Variants in ADORA2B observed in about 807,000 individuals in gnomAD.
ADORA2B encodes adenosine A2b receptor.
A neutral mutation model predicts 20.8 loss-of-function variants in ADORA2B; 18 were observed. The observed-to-expected ratio is 0.87, with a 90% CI of 0.60 to 1.29. The LOEUF is 1.29. Among genes scored for constraint, ADORA2B ranks in the 50% most tolerant of loss-of-function variants. The probability of loss-of-function intolerance (pLI) is 0.00; values close to 1 mark genes in which losing one functional copy is unlikely to be tolerated. For synonymous variants in ADORA2B, 179 were observed against 178.3 expected, an observed-to-expected ratio of 1.00 and a Z score of -0.03; for missense variants, 441 against 422.7, an observed-to-expected ratio of 1.04 and a Z score of -0.38.
chr17:15,910,408 C>T, the ADORA2B span, among the ~76,000 whole-genome samples: 8 of 152,004 alleles, frequency 5.3e-5, no homozygotes, highest in Admixed American at 5.2e-4. Context: ...AGTGAGTCTC[C>T]TGCCTCAGCC....
At chr17:15,922,213 G>C in the ADORA2B span, among the ~76,000 whole-genome samples, 1 of 152,060 alleles carries the variant, frequency 6.6e-6, no homozygotes, top group African/African-American at 2.4e-5. Context: ...TCAGTATTTT[G>C]TGTACCCTTC....
intron 1 of ADORA2B, among the ~76,000 whole-genome samples, chr17:15,954,385 G>A (rs1051801398): frequency 3.3e-5 from 5 of 152,128 alleles, no homozygotes; most frequent in African/African-American, 1.2e-4. Flanking sequence ...GTTAAAGTAG[G>A]AAGCATGCCT....
the ADORA2B span, among the ~76,000 whole-genome samples, chr17:15,862,854 C>T: frequency 2.2e-4 from 33 of 149,776 alleles, no homozygotes; most frequent in Middle Eastern, 3.5e-3. Flanking sequence ...ACCTCTGCCT[C>T]GGGTTCAAGC....
At chr17:15,936,969 T>G in the ADORA2B span, among the ~76,000 whole-genome samples, 5 of 152,092 alleles carry the variant, frequency 3.3e-5, no homozygotes, top group South Asian at 1.0e-3. Context: ...AAAAATTAAT[T>G]AAATAAAAAT....
the ADORA2B span, among the ~76,000 whole-genome samples, chr17:15,930,401 ATCC>A: frequency 1.3e-5 from 2 of 151,682 alleles, no homozygotes; most frequent in South Asian, 2.1e-4. Context: ...GGCTCAAGCA[ATCC>A]TCCTACCTAG....
chr17:15,944,714 G>C (rs887383173), upstream of ADORA2B, among the ~76,000 whole-genome samples: 1 of 152,068 alleles, frequency 6.6e-6, no homozygotes, highest in Non-Finnish European at 1.5e-5. The surrounding 1 kb of genome is among the most constrained non-coding windows in gnomAD (Gnocchi z 4.8). Context: ...CCATCCAGTC[G>C]GCCTGCCCGG....
the ADORA2B span, among the ~76,000 whole-genome samples, chr17:15,936,511 G>T: frequency 6.6e-6 from 1 of 151,852 alleles, no homozygotes; most frequent in Non-Finnish European, 1.5e-5. Context: ...GTAAAGACAG[G>T]ATTTCACCAT....
At chr17:15,907,368 T>C in the ADORA2B span, among the ~76,000 whole-genome samples, 1 of 152,204 alleles carries the variant, frequency 6.6e-6, no homozygotes, top group Non-Finnish European at 1.5e-5. Context: ...AGGGGACCAT[T>C]GTGCTAAGTT....
the ADORA2B span, among the ~76,000 whole-genome samples, chr17:15,896,068 G>A: frequency 6.6e-6 from 1 of 152,130 alleles, no homozygotes; most frequent in African/African-American, 2.4e-5. Flanking sequence ...TCTCTTATGA[G>A]GAAAGAAAAC....
chr17:15,946,410 G>C (rs73274397), intron 1 of ADORA2B, among the ~76,000 whole-genome samples: 2 of 152,222 alleles, frequency 1.3e-5, no homozygotes, highest in African/African-American at 4.8e-5. Context: ...GTCAGCCAGC[G>C]ACCAGAGTGG....
At chr17:15,958,536 T>A (rs2151600473) in intron 1 of ADORA2B, among the ~76,000 whole-genome samples, 1 of 152,250 alleles carries the variant, frequency 6.6e-6, no homozygotes, top group Middle Eastern at 3.4e-3. Context: ...TCATCCCAGA[T>A]CTCTCCCTTG....
chr17:15,923,859 A>T, the ADORA2B span, among the ~76,000 whole-genome samples: 2 of 151,830 alleles, frequency 1.3e-5, no homozygotes, highest in African/African-American at 2.4e-5. Context: ...CATGGAGAAA[A>T]TTTTTTTAAT....
the ADORA2B span, among the ~76,000 whole-genome samples, chr17:15,895,305 T>C: frequency 6.6e-6 from 1 of 152,328 alleles, no homozygotes; most frequent in African/African-American, 2.4e-5. Flanking sequence ...CAATTAACCA[T>C]CACAGAATGT....
At chr17:15,854,174 C>G in the ADORA2B span, among the ~76,000 whole-genome samples, 2 of 152,134 alleles carry the variant, frequency 1.3e-5, no homozygotes, top group South Asian at 4.1e-4. Context: ...AGGCTGGTCT[C>G]GAACTCCTGA....
chr17:15,945,977 G>A (rs189844485), intron 1 of ADORA2B, among the ~76,000 whole-genome samples: 1 of 152,180 alleles, frequency 6.6e-6, no homozygotes, highest in African/African-American at 2.4e-5. Context: ...CACGAAGGCC[G>A]TTCCTAACAC....
At chr17:15,923,860 T>A in the ADORA2B span, among the ~76,000 whole-genome samples, 1 of 152,158 alleles carries the variant, frequency 6.6e-6, no homozygotes, top group Non-Finnish European at 1.5e-5. Context: ...ATGGAGAAAA[T>A]TTTTTTAATT....
rs1970249288 is a variant in ADORA2B, at chr17:15,975,710, C to CA, written c.*370dup. The CA allele has an allele frequency of 1.1e-5, 2 of 175,890 alleles. No homozygotes were observed. Among genetic ancestry groups the CA allele is most frequent in the Non-Finnish European group, 2.4e-5 (2 of 83,500 alleles). 10.9% of individuals were successfully genotyped at this position (175,890 alleles called of 1,614,324 possible). A position where few individuals can be genotyped will look rare whatever the true frequency, so the allele number is the denominator to read the frequency against. On this transcript the variant is annotated 3_prime_UTR_variant, in exon 2 of 2. Coordinates refer to ENST00000304222, the MANE Select transcript of ADORA2B (RefSeq NM_000676.4). ...ATGCAAATACTTTTTAACTTAGAGG[C>CA]AATGGAAAAATAAAAGTTGACTGTA...
At chr17:15,865,186 A>C in the ADORA2B span, among the ~76,000 whole-genome samples, 1,069 of 152,354 alleles carry the variant, frequency 7.0e-3, 18 homozygotes, top group African/African-American at 0.024. Flanking sequence ...TACCTGGTAT[A>C]AGTTTAAGTT....
In ADORA2B at chr17:15,975,157, A is replaced by G. The variant is rs1335992002; in HGVS notation, c.814A>G (p.Met272Val). The G allele has an allele frequency of 6.2e-7, 1 of 1,614,088 alleles. No homozygotes were observed. The highest frequency in any genetic ancestry group is 8.5e-7 in the Non-Finnish European group (1 of 1,180,048). The change falls in exon 2 of 2, where the codon ATG (methionine) becomes GTG (valine). Residue 272 changes from methionine to valine, a missense_variant. Met to Val is a conservative substitution (Grantham distance 21, BLOSUM62 1). Coordinates refer to ENST00000304222, the MANE Select transcript of ADORA2B (RefSeq NM_000676.4). ...GGGTAAAAATAAGCCCAAGTGGGCA[A>G]TGAATATGGCCATTCTTCTGTCACA... ...AQGKNKPKWAMNMAILLSHAN... is the reference protein window; with the variant it reads ...AQGKNKPKWAVNMAILLSHAN...
Sources: allele counts gnomAD v4.1 joint callset (sites outside exome capture counted in the v4.1 genomes callset), GRCh38; gene constraint gnomAD v4.1.1; non-coding constraint Gnocchi (gnomAD v3.1); transcripts MANE v1.5; gene names NCBI Gene and HGNC (gene_info 2026-07-23, HGNC 2026-07-21).